Variants in NSD1 observed in about 807,000 individuals in gnomAD.
NSD1 encodes the protein nuclear receptor binding SET domain protein 1.
Under a neutral mutation model 242.7 loss-of-function variants are expected in NSD1, and 26 were observed. The observed-to-expected ratio is 0.11, with a 90% CI of 0.08 to 0.15. NSD1 has a LOEUF of 0.15. Ranked by LOEUF, NSD1 falls within the 10% of genes least tolerant of loss-of-function variation. The pLI is 1.00. For synonymous variants in NSD1, 1,106 were observed against 1,178.1 expected, an observed-to-expected ratio of 0.94 and a Z score of 1.25; for missense variants, 2,495 against 3,272.8, an observed-to-expected ratio of 0.76 and a Z score of 5.80.
At chr5:177,290,180 A>G (rs773394946) in intron 21 of NSD1, among the ~76,000 whole-genome samples, 40 of 146,962 alleles carry the variant, frequency 2.7e-4, no homozygotes, top group Non-Finnish European at 3.3e-4. Context: ...TGACTGTCTT[A>G]ATTTTTTTAT....
At chr5:177,243,194 C>CT (rs549140440) in intron 8 of NSD1, among the ~76,000 whole-genome samples, 3,446 of 151,950 alleles carry the variant, frequency 0.023, 49 homozygotes, top group South Asian at 0.053. Context: ...TTCTTTCTTT[C>CT]TTTCTTTTTT....
At chr5:177,145,586 A>G (rs1028213742) in intron 2 of NSD1, among the ~76,000 whole-genome samples, 1 of 152,166 alleles carries the variant, frequency 6.6e-6, no homozygotes, top group Non-Finnish European at 1.5e-5. Context: ...ATTTTTGTTT[A>G]GATAAATGTT....
chr5:177,264,795 C>T, intron 14 of NSD1: 1 of 748,240 alleles, frequency 1.3e-6, no homozygotes, highest in African/African-American at 1.7e-5. Flanking sequence ...AGAGGAGAGG[C>T]ACCCAGTACA....
chr5:177,245,795 C>T (rs1756797545), intron 9 of NSD1, among the ~76,000 whole-genome samples: 2 of 151,392 alleles, frequency 1.3e-5, no homozygotes, highest in African/African-American at 4.9e-5. Context: ...TCCCTCACGC[C>T]TGGCTAATTT....
At chr5:177,133,755 T>TG (rs1218539413), upstream of NSD1, 1 of 135,408 alleles carries the variant, frequency 7.4e-6, no homozygotes, top group Admixed American at 7.2e-5. The surrounding 1 kb of genome is among the most constrained non-coding windows in gnomAD (Gnocchi z 6.2). Flanking sequence ...GCGCGCGCGG[T>TG]GGGGGTGTGA....
chr5:177,175,106 C>G (rs930904461), intron 2 of NSD1, among the ~76,000 whole-genome samples: 1 of 150,156 alleles, frequency 6.7e-6, no homozygotes, highest in Non-Finnish European at 1.5e-5. Context: ...CTCCTGACCT[C>G]GTGATCCACT....
At chr5:177,277,422 C>T (rs1007106581) in intron 17 of NSD1, among the ~76,000 whole-genome samples, 1 of 152,124 alleles carries the variant, frequency 6.6e-6, no homozygotes, top group African/African-American at 2.4e-5. Context: ...AGTCGAGCTA[C>T]ATGTGGAGAT....
chr5:177,187,849 A>T (rs1286623887), intron 2 of NSD1, among the ~76,000 whole-genome samples: 1 of 152,220 alleles, frequency 6.6e-6, no homozygotes, highest in Non-Finnish European at 1.5e-5. Flanking sequence ...TTCAAATAAG[A>T]TCACATTCAC....
intron 2 of NSD1, among the ~76,000 whole-genome samples, chr5:177,163,224 CGTCCA>C (rs1287584761): frequency 1.3e-5 from 2 of 149,456 alleles, no homozygotes; most frequent in Non-Finnish European, 3.0e-5. Flanking sequence ...CTCACTGCAA[CGTCCA>C]CCTACTGGGT....
intron 15 of NSD1, 103 bp downstream of exon 15, chr5:177,267,821 A>G (rs1757618605): frequency 3.5e-6 from 4 of 1,127,004 alleles, no homozygotes; most frequent in African/African-American, 1.5e-5. Flanking sequence ...TTAATTACTC[A>G]TGGTACTCCT....
intron 5 of NSD1, among the ~76,000 whole-genome samples, chr5:177,233,423 C>T (rs1395104738): frequency 1.3e-5 from 2 of 151,854 alleles, no homozygotes; most frequent in Non-Finnish European, 2.9e-5. Flanking sequence ...GCCTGGAGTG[C>T]AGTGGCTAGA....
chr5:177,150,803 C>T (rs1030481923), intron 2 of NSD1, among the ~76,000 whole-genome samples: 4 of 152,104 alleles, frequency 2.6e-5, no homozygotes, highest in Non-Finnish European at 5.9e-5. Flanking sequence ...TCTCTTGATG[C>T]TGTAATTGGA....
chr5:177,259,564 T>C (rs1198272165), intron 13 of NSD1, among the ~76,000 whole-genome samples: 2 of 152,218 alleles, frequency 1.3e-5, no homozygotes, highest in Non-Finnish European at 2.9e-5. Context: ...GGTTTCGTGA[T>C]GGTTTATAAT....
chr5:177,132,936 G>A (rs1350626585), upstream of NSD1: 2 of 152,452 alleles, frequency 1.3e-5, no homozygotes, highest in Non-Finnish European at 2.9e-5. This position sits in a 1 kb window ranked among gnomAD's most constrained non-coding sequence, Gnocchi z 7.5. Context: ...CTGCCTCGCG[G>A]GCGTCGAGCC....
chr5:177,189,322 G>A (rs1461820564), intron 2 of NSD1, among the ~76,000 whole-genome samples: 3 of 152,106 alleles, frequency 2.0e-5, no homozygotes, highest in African/African-American at 7.2e-5. Flanking sequence ...CTGGTTCTGT[G>A]GTTCTGGCTA....
rs1762787778 is a variant in NSD1 at position 177,205,247 on chromosome 5, G to A, written c.1236+955G>A. ...AGACAGGTTTTGCCATATTGGCCAG[G>A]CTGGTCTTGAACTCCTGATGTCAGG... On this transcript the variant is annotated intron_variant, in intron 4 of 22. Transcript: ENST00000439151. Among the ~76,000 whole-genome samples, 3 of 152,134 alleles carry A rather than the reference G, an allele frequency of 2.0e-5. No individual in the cohort carries two copies. In the South Asian group the frequency reaches 6.2e-4, roughly 32 times the overall value.
chr5:177,251,429 A>G (rs1166458384), intron 11 of NSD1, among the ~76,000 whole-genome samples: 1 of 152,134 alleles, frequency 6.6e-6, no homozygotes, highest in South Asian at 2.1e-4. Flanking sequence ...TGAACCATTC[A>G]GTAGCTTTCT....
At chr5:177,266,161 A>G in intron 14 of NSD1, 6 of 1,081,014 alleles carry the variant, frequency 5.6e-6, no homozygotes, top group Non-Finnish European at 8.6e-6. Flanking sequence ...GGCATAGAGC[A>G]CAGTGTTGAG....
chr5:177,244,757 A>G (rs1461963336), intron 9 of NSD1, among the ~76,000 whole-genome samples: 1 of 152,238 alleles, frequency 6.6e-6, no homozygotes, highest in African/African-American at 2.4e-5. Flanking sequence ...GTGGTCTGCT[A>G]GCAAAGAGTA....
Sources: allele counts gnomAD v4.1 joint callset (sites outside exome capture counted in the v4.1 genomes callset), GRCh38; gene constraint gnomAD v4.1.1; non-coding constraint Gnocchi (gnomAD v3.1); transcripts MANE v1.5; gene names NCBI Gene and HGNC (gene_info 2026-07-23, HGNC 2026-07-21).